The following MTFR1 variants were observed in gnomAD, a reference collection of about 807,000 sequenced individuals.
MTFR1 encodes mitochondrial fission regulator 1, also known as chondrocyte protein with a poly-proline region.
A neutral mutation model predicts 38.8 loss-of-function variants in MTFR1; 28 were observed. That is an observed-to-expected ratio of 0.72 (90% CI 0.53 to 0.99). MTFR1 has a LOEUF of 0.99. MTFR1 is among the 50% of genes least tolerant of loss of function. MTFR1 has a pLI of 0.00. For missense variants in MTFR1, 358 were observed against 395.5 expected (o/e 0.91, Z 0.81); for synonymous variants, 145 against 137.0 (o/e 1.06, Z -0.41).
chr8:65,733,553 G>A (rs956942448), intron 3 of MTFR1, among the ~76,000 whole-genome samples: 10 of 151,904 alleles, frequency 6.6e-5, no homozygotes, highest in Admixed American at 2.0e-4. Context: ...CCAGGATGTC[G>A]AGGCTGCAGT....
In MTFR1 at chr8:65,693,771, A is replaced by T; in HGVS notation, c.281+12A>T. 6.3e-7 allele frequency: 1 copy of T among 1,595,674 alleles called. No individual in the cohort carries two copies. Among genetic ancestry groups the T allele is most frequent in the Non-Finnish European group, 8.6e-7 (1 of 1,163,310 alleles). ...TCAGCAAGACTAAGGTTAGTTTGGA[A>T]GGCTATCAGAACTGAGATGCAATAT... On this transcript the variant is annotated intron_variant, in intron 4 of 7. Transcript: ENST00000262146.
chr8:65,741,288 C>G (rs935161310), intron 3 of MTFR1, among the ~76,000 whole-genome samples: 1 of 152,056 alleles, frequency 6.6e-6, no homozygotes, highest in Non-Finnish European at 1.5e-5. Flanking sequence ...ATAAAATACA[C>G]GATTCTAGTA....
chr8:65,747,603 C>G, intron 3 of MTFR1: 1 of 1,241,660 alleles, frequency 8.1e-7, no homozygotes, highest in Middle Eastern at 2.0e-4. Flanking sequence ...TAAAGGCCTT[C>G]AGTAAACTTA....
intron 2 of MTFR1, chr8:65,717,364 G>T (rs1806183354): frequency 6.6e-6 from 1 of 152,146 alleles, no homozygotes; most frequent in Non-Finnish European, 1.5e-5. Flanking sequence ...ACTTTAAAAA[G>T]GCCAATGATT....
At chr8:65,721,636 T>C (rs1251292085) in intron 3 of MTFR1, among the ~76,000 whole-genome samples, 1 of 152,160 alleles carries the variant, frequency 6.6e-6, no homozygotes, top group Non-Finnish European at 1.5e-5. Flanking sequence ...GAAAGGGATC[T>C]AGCTTCTGTT....
chr8:65,725,991 A>G (rs994077388), intron 3 of MTFR1, among the ~76,000 whole-genome samples: 13 of 152,220 alleles, frequency 8.5e-5, no homozygotes, highest in African/African-American at 3.1e-4. Flanking sequence ...AAAGATTTAA[A>G]AAAATAAAAA....
intron 4 of MTFR1, among the ~76,000 whole-genome samples, chr8:65,698,037 C>A (rs1246493811): frequency 6.6e-6 from 1 of 151,584 alleles, no homozygotes; most frequent in East Asian, 1.9e-4. Context: ...TTTTATTGAT[C>A]GTGCTTTTGG....
intron 4 of MTFR1, among the ~76,000 whole-genome samples, chr8:65,696,083 TG>T (rs1805433614): frequency 6.6e-6 from 1 of 152,168 alleles, no homozygotes; most frequent in Admixed American, 6.5e-5. Context: ...ACTTAGAGGC[TG>T]GGTAAATAGA....
downstream of MTFR1, among the ~76,000 whole-genome samples, chr8:65,772,545 G>C (rs376614688): frequency 6.6e-5 from 10 of 152,194 alleles, no homozygotes; most frequent in Admixed American, 2.0e-4. Flanking sequence ...GGACAACTTT[G>C]CCTCCAGGTA....
chr8:65,770,951 G>A (rs936617995), exon 4 of MTFR1: 3 of 251,558 alleles, frequency 1.2e-5, no homozygotes, highest in African/African-American at 7.0e-5. Context: ...TTTCAGAAAA[G>A]ACTCGTTAAA....
chr8:65,765,352 A>G (rs979281811), intron 3 of MTFR1, among the ~76,000 whole-genome samples: 32 of 149,860 alleles, frequency 2.1e-4, no homozygotes, highest in African/African-American at 7.5e-4. Flanking sequence ...AGCCGGGCGT[A>G]GTGGCGGGCG....
At chr8:65,738,934 T>C (rs1346670275) in intron 3 of MTFR1, among the ~76,000 whole-genome samples, 1 of 152,232 alleles carries the variant, frequency 6.6e-6, no homozygotes, top group Non-Finnish European at 1.5e-5. Context: ...ATTTCCTGTA[T>C]CTGTGGCTCT....
intron 3 of MTFR1, chr8:65,719,648 T>C (rs991076010): frequency 9.7e-6 from 6 of 619,244 alleles, no homozygotes; most frequent in Non-Finnish European, 1.7e-5. Context: ...GGTGACAGAG[T>C]CTGTAATGTA....
At chr8:65,723,353 T>C (rs1305475624) in intron 3 of MTFR1, 4 of 455,406 alleles carry the variant, frequency 8.8e-6, no homozygotes, top group Non-Finnish European at 1.4e-5. Context: ...AAATATACTT[T>C]TTACATCCTA....
At chr8:65,703,471 T>G (rs535673856) in intron 4 of MTFR1, among the ~76,000 whole-genome samples, 1 of 137,600 alleles carries the variant, frequency 7.3e-6, no homozygotes, top group East Asian at 2.5e-4. Context: ...TCTTGCATTG[T>G]CATCCAAGCT....
At chr8:65,775,780 A>C (rs1809243068), downstream of MTFR1, among the ~76,000 whole-genome samples, 6 of 152,158 alleles carry the variant, frequency 3.9e-5, no homozygotes, top group Admixed American at 3.9e-4. Context: ...GGCACGCACC[A>C]CTGCACCTGG....
intron 3 of MTFR1, chr8:65,719,773 T>C (rs925038788): frequency 7.3e-6 from 3 of 411,154 alleles, no homozygotes; most frequent in Admixed American, 3.6e-5. Flanking sequence ...CACAACTACA[T>C]TCTTCTACTT....
chr8:65,683,769 C>T (rs562053838), intron 3 of MTFR1, among the ~76,000 whole-genome samples: 1 of 151,868 alleles, frequency 6.6e-6, no homozygotes, highest in Non-Finnish European at 1.5e-5. Context: ...AGGTGATCTG[C>T]GCATCTCTGC....
chr8:65,647,209 A>C (rs553548833), intron 1 of MTFR1, among the ~76,000 whole-genome samples: 2 of 152,234 alleles, frequency 1.3e-5, no homozygotes, highest in Non-Finnish European at 2.9e-5. Context: ...AAGGAAATAG[A>C]CGTGGGGAAC....
Sources: allele counts gnomAD v4.1 joint callset (sites outside exome capture counted in the v4.1 genomes callset), GRCh38; gene constraint gnomAD v4.1.1; transcripts MANE v1.5; gene names NCBI Gene and HGNC (gene_info 2026-07-23, HGNC 2026-07-21).